The following NLRP3 variants were observed in gnomAD, a reference collection of about 807,000 sequenced individuals.
NLRP3 encodes NACHT, LRR and PYD domains-containing protein 3.
In NLRP3, 48 loss-of-function variants were observed where a neutral mutation model predicts 91.3. That is an observed-to-expected ratio of 0.53 (90% CI 0.42 to 0.67). NLRP3 has a LOEUF of 0.67. NLRP3 is among the 30% of genes least tolerant of loss of function. NLRP3 has a pLI of 0.00. For missense variants in NLRP3, 982 were observed against 1,276.9 expected, an observed-to-expected ratio of 0.77 and a Z score of 3.52; for synonymous variants, 561 against 507.9, an observed-to-expected ratio of 1.10 and a Z score of -1.41.
In NLRP3 at chr1:247,442,493, A is replaced by C. The variant is rs74154645; in HGVS notation, c.2664-1479A>C. Among the ~76,000 whole-genome samples, 596 of 152,248 alleles carry C rather than the reference A, an allele frequency of 3.9e-3. 1 individual carries two copies. Among genetic ancestry groups the C allele is most frequent in the African/African-American group, 0.014 (576 of 41,542 alleles). On this transcript the variant is annotated intron_variant, in intron 7 of 9. Transcript: ENST00000336119. ...TAATTTGACTCAAGAATAGTACATC[A>C]AAACTCTTAATTCCATCGAGATTGA...
Position 247,443,352 on chromosome 1 carries a change from C to T in NLRP3, c.2664-620C>T, listed in dbSNP as rs139341402. On this transcript the variant is annotated intron_variant, in intron 7 of 9. Transcript: ENST00000336119. The stretch of plus-strand genomic sequence containing the variant: ...TCAAGCGATCCTCCCACCTCTCCAA[C>T]GTGGTTGAGGGCTGCAGCGAGAAAG... Among the ~76,000 whole-genome samples the T allele has an allele frequency of 3.4e-3, 513 of 152,184 alleles. 1 individual carries two copies. Among genetic ancestry groups the T allele is most frequent in the African/African-American group, 0.011 (470 of 41,520 alleles).
rs200224266 is a variant in NLRP3 at position 247,425,108 on chromosome 1, C to A, written c.1659C>A (p.Ser553Arg). 2.5e-6 allele frequency: 4 copies of A among 1,614,142 alleles called. No homozygotes were observed. The highest frequency in any genetic ancestry group is 3.4e-6 in the Non-Finnish European group (4 of 1,180,018). Residue 553 changes from serine (S) to arginine (R), a missense_variant, in exon 4 of 10, where the codon AGC becomes AGA. Around this residue, in one of 5 missense-constraint regions of NLRP3, gnomAD observed 548 missense variants for 713.7 expected, o/e 0.77. Coordinates refer to ENST00000336119, the MANE Select transcript of NLRP3 (RefSeq NM_001243133.2). The surrounding 1 kb of genome is among the most constrained non-coding windows in gnomAD (Gnocchi z 4.1). ...NVPGSRLKLP[S>R]RDVTVLLENY... ...CAGGGAGTCGTTTGAAGCTTCCCAG[C>A]CGAGACGTGACAGTCCTTCTGGAAA...
At position 247,425,108 on chromosome 1, in the gene NLRP3, C is replaced by T. The variant is rs200224266; in HGVS notation, c.1659C>T (p.Ser553=). Residue 553 remains serine, a synonymous_variant, in exon 4 of 10, where the codon AGC becomes AGT. Coordinates refer to ENST00000336119, the MANE Select transcript of NLRP3 (RefSeq NM_001243133.2). The surrounding 1 kb of genome is among the most constrained non-coding windows in gnomAD (Gnocchi z 4.1). ...NVPGSRLKLP[S]RDVTVLLENY... The stretch of plus-strand genomic sequence containing the variant: ...CAGGGAGTCGTTTGAAGCTTCCCAG[C>T]CGAGACGTGACAGTCCTTCTGGAAA... 1.1e-5 allele frequency: 18 copies of T among 1,614,142 alleles called. 1 individual carries two copies. In the Admixed American group the frequency reaches 2.0e-4, roughly 18 times the overall value.
Position 247,448,268 on chromosome 1 carries a change from C to CTTTTTT in NLRP3, c.3006-120_3006-115dup, listed in dbSNP as rs58966539. 1.7e-3 allele frequency: 601 copies of CTTTTTT among 358,600 alleles called. 9 individuals carry two copies. Among genetic ancestry groups the CTTTTTT allele is most frequent in the African/African-American group, 0.015 (531 of 34,862 alleles). The allele number at this position is 358,600 out of a possible 1,614,324, so 22.2% of individuals were successfully genotyped here. ...GAGCACTCTGGGAGTTGTGGTCCCT[C>CTTTTTT]TTTTTTTTTTTTTTTTTTTTTTACA... On this transcript the variant is annotated intron_variant, in intron 9 of 9. Coordinates refer to ENST00000336119, the MANE Select transcript of NLRP3 (RefSeq NM_001243133.2).
In NLRP3 at chr1:247,444,757, G is replaced by A. The variant is rs1264236206; in HGVS notation, c.2941G>A (p.Asp981Asn). Residue 981 changes from aspartate (D) to asparagine (N), a missense_variant, in exon 9 of 10, where the codon GAC becomes AAC. Physicochemically the swap from Asp to Asn is conservative, Grantham distance 23 (BLOSUM62 1). This residue lies in a region of NLRP3 where 373 missense variants were observed against 431.5 expected (regional missense o/e 0.86). Coordinates refer to ENST00000336119, the MANE Select transcript of NLRP3 (RefSeq NM_001243133.2). ...GAGCCTGGGCAACAATGACCTGGGC[G>A]ACCTGGGGGTCATGATGTTCTGTGA... ...KLSLGNNDLGDLGVMMFCEVL... is the reference protein window; with the variant it reads ...KLSLGNNDLGNLGVMMFCEVL... 4 of 1,614,146 alleles carry A rather than the reference G, an allele frequency of 2.5e-6. No homozygotes were observed. Among genetic ancestry groups the A allele is most frequent in the Admixed American group, 1.7e-5 (1 of 60,028 alleles).
chr1:247,424,313 C>A lies in NLRP3; in HGVS notation c.864C>A (p.Ile288=). 6.3e-7 allele frequency: 1 copy of A among 1,598,516 alleles called. No individual in the cohort carries two copies. The highest frequency in any genetic ancestry group is 1.3e-5 in the African/African-American group (1 of 74,630). The part of the protein sequence containing the change: ...CPDPNPPIHK[I]VRKPSRILFL... ...ACCCAAACCCACCCATCCACAAGAT[C>A]GTGAGAAAACCCTCCAGAATCCTCT... Residue 288 remains isoleucine, a synonymous_variant, in exon 4 of 10, where the codon ATC becomes ATA. Coordinates refer to ENST00000336119, the MANE Select transcript of NLRP3 (RefSeq NM_001243133.2). The surrounding 1 kb of genome is among the most constrained non-coding windows in gnomAD (Gnocchi z 8.1).
At position 247,437,432 on chromosome 1, in the gene NLRP3, T is replaced by TCC. The variant is rs1257243720; in HGVS notation, c.2663+1294_2663+1295dup. On this transcript the variant is annotated intron_variant, in intron 7 of 9. Transcript: ENST00000336119. ...AAGCTCTGATACTTCCTTGGACCTCTCCCATCAGCCAATCCTCAGATGTGA... is the reference window on the plus strand; with the variant it reads ...AAGCTCTGATACTTCCTTGGACCTCTCCCCCATCAGCCAATCCTCAGATGTGA... Among the ~76,000 whole-genome samples, 5 of 152,338 alleles carry TCC rather than the reference T, an allele frequency of 3.3e-5. No individual in the cohort carries two copies. In the East Asian group the frequency reaches 9.6e-4, roughly 29 times the overall value.
intron 7 of NLRP3, among the ~76,000 whole-genome samples, chr1:247,441,501 C>T (rs1182838755): frequency 6.6e-6 from 1 of 152,198 alleles, no homozygotes; most frequent in Non-Finnish European, 1.5e-5. Flanking sequence ...GGTCCTCCCA[C>T]CTTGGCCTCC....
intron 9 of NLRP3, among the ~76,000 whole-genome samples, chr1:247,445,561 C>T (rs6693094): frequency 1 from 151,979 of 152,298 alleles, 75,831 homozygotes; most frequent in Middle Eastern, 1. Context: ...GGAAATTACA[C>T]GAAATTCGAC....
Position 247,423,852 on chromosome 1 carries a change from C to A in NLRP3, c.403C>A (p.Arg135Ser). The change falls in exon 4 of 10, where the codon CGT becomes AGT. Residue 135 changes from arginine to serine, a missense_variant. By Grantham distance (110) the Arg-to-Ser change is moderately radical. Coordinates refer to ENST00000336119, the MANE Select transcript of NLRP3 (RefSeq NM_001243133.2). ...ISICKMKKDY[R>S]KKYRKYVRSR... Reference sequence around the variant, plus strand: ...ACTTCCTGTCTTTGCCGTAGATTACCGTAAGAAGTACAGAAAGTACGTGAG... The same window carrying A: ...ACTTCCTGTCTTTGCCGTAGATTACAGTAAGAAGTACAGAAAGTACGTGAG... 1 of 1,613,538 alleles carries A rather than the reference C, an allele frequency of 6.2e-7. No homozygotes were observed. Among genetic ancestry groups the A allele is most frequent in the Non-Finnish European group, 8.5e-7 (1 of 1,179,880 alleles).
chr1:247,421,198 G>A (rs1200864160), intron 2 of NLRP3, among the ~76,000 whole-genome samples: 1 of 152,222 alleles, frequency 6.6e-6, no homozygotes, highest in Non-Finnish European at 1.5e-5. Flanking sequence ...GCAGGATGAT[G>A]ATGTAGAGCT....
intron 5 of NLRP3, 23 bp downstream of exon 5, chr1:247,429,778 T>G (rs1195750839): frequency 6.2e-7 from 1 of 1,612,488 alleles, no homozygotes; most frequent in African/African-American, 1.3e-5. Flanking sequence ...GCATGTGATC[T>G]GTGTGAGTGC....
chr1:247,447,787 T>A (rs980783315), intron 9 of NLRP3, among the ~76,000 whole-genome samples: 2 of 152,182 alleles, frequency 1.3e-5, no homozygotes, highest in African/African-American at 4.8e-5. Flanking sequence ...TGTCACAAAG[T>A]GAATTATTGA....
At chr1:247,448,171 G>A (rs1480466817) in intron 9 of NLRP3, among the ~76,000 whole-genome samples, 3 of 151,806 alleles carry the variant, frequency 2.0e-5, no homozygotes, top group Admixed American at 1.3e-4. Flanking sequence ...CCTTGGCCCA[G>A]GCATTCTTGA....
In NLRP3 at chr1:247,448,412, G is replaced by C. The variant is rs1222702587; in HGVS notation, c.3013G>C (p.Glu1005Gln). 1 of 1,598,718 alleles carries C rather than the reference G, an allele frequency of 6.3e-7. No individual in the cohort carries two copies. ...SCLLQNLGLS[E>Q]MYFNYETKSA... ...TTCTATTTGCTTTTACAGGTTGTCT[G>C]AAATGTATTTCAATTATGAGACAAA... The change falls in exon 10 of 10, where the codon GAA (glutamate) becomes CAA (glutamine). Residue 1005 changes from glutamate (E) to glutamine (Q), a missense_variant. This residue lies in a region of NLRP3 where 29 missense variants were observed against 55.3 expected (regional missense o/e 0.52). Coordinates refer to ENST00000336119, the MANE Select transcript of NLRP3 (RefSeq NM_001243133.2).
rs201210274 is a variant in NLRP3 at position 247,424,763 on chromosome 1, C to T, written c.1314C>T (p.Thr438=). ...KSLAQTSKTT[T]AVYVFFLSSL... ...TTGCCCAGACATCCAAGACCACCACCGCGGTGTACGTCTTCTTCCTTTCCA... is the reference window on the plus strand; with the variant it reads ...TTGCCCAGACATCCAAGACCACCACTGCGGTGTACGTCTTCTTCCTTTCCA... The change falls in exon 4 of 10, where the codon ACC becomes ACT. Residue 438 remains threonine, a synonymous_variant. Transcript: ENST00000336119. The surrounding 1 kb of genome is among the most constrained non-coding windows in gnomAD (Gnocchi z 8.1). The T allele has an allele frequency of 3.4e-5, 55 of 1,612,664 alleles. No individual in the cohort carries two copies. The highest frequency in any genetic ancestry group is 3.2e-4 in the South Asian group (29 of 91,088).
chr1:247,425,479 T>C lies in NLRP3; in HGVS notation c.2030T>C (p.Leu677Pro). ...GAGAACTGTCATCGGGTGGAGTCAC[T>C]GTCCCTGGGGTTTCTCCATAACATG... Reference protein sequence around the residue: ...CIENCHRVESLSLGFLHNMPK... With the variant: ...CIENCHRVESPSLGFLHNMPK... The change falls in exon 4 of 10, where the codon CTG becomes CCG. Residue 677 changes from leucine (L) to proline (P), a missense_variant. By Grantham distance (98) the Leu-to-Pro change is moderately conservative (BLOSUM62 -3). This residue lies in a region of NLRP3 where 373 missense variants were observed against 431.5 expected (regional missense o/e 0.86). Transcript: ENST00000336119. This position sits in a 1 kb window ranked among gnomAD's most constrained non-coding sequence, Gnocchi z 4.1. The C allele has an allele frequency of 6.2e-7, 1 of 1,614,208 alleles. No individual in the cohort carries two copies. The highest frequency in any genetic ancestry group is 8.5e-7 in the Non-Finnish European group (1 of 1,180,046).
Position 247,424,961 on chromosome 1 carries a change from C to A in NLRP3, c.1512C>A (p.Asn504Lys). The change falls in exon 4 of 10, where the codon AAC (asparagine) becomes AAA (lysine). Residue 504 changes from asparagine to lysine, a missense_variant. Asn to Lys is a moderately conservative substitution (Grantham distance 94). Coordinates refer to ENST00000336119, the MANE Select transcript of NLRP3 (RefSeq NM_001243133.2). This position sits in a 1 kb window ranked among gnomAD's most constrained non-coding sequence, Gnocchi z 8.1. ...KADVSAFLRM[N>K]LFQKEVDCEK... ...ATGTGTCTGCTTTCCTGAGGATGAACCTGTTCCAAAAGGAAGTGGACTGCG... is the reference window on the plus strand; with the variant it reads ...ATGTGTCTGCTTTCCTGAGGATGAAACTGTTCCAAAAGGAAGTGGACTGCG... The A allele has an allele frequency of 6.2e-7, 1 of 1,614,106 alleles. No individual in the cohort carries two copies. Among genetic ancestry groups the A allele is most frequent in the Non-Finnish European group, 8.5e-7 (1 of 1,180,022 alleles).
chr1:247,427,542 C>G (rs34497469), intron 4 of NLRP3, among the ~76,000 whole-genome samples: 1 of 150,028 alleles, frequency 6.7e-6, no homozygotes, highest in African/African-American at 2.5e-5. Flanking sequence ...CAGATTCTGA[C>G]TGGAGCCCTG....
Sources: allele counts gnomAD v4.1 joint callset (sites outside exome capture counted in the v4.1 genomes callset), GRCh38; gene constraint gnomAD v4.1.1; regional missense constraint gnomAD v4.1.1; non-coding constraint Gnocchi (gnomAD v3.1); transcripts MANE v1.5; gene names NCBI Gene and HGNC (gene_info 2026-07-23, HGNC 2026-07-21).